CDH8: variants seen among roughly 807,000 people sequenced by gnomAD.
The protein encoded by CDH8 is cadherin-8.
In CDH8, 17 loss-of-function variants were observed where a neutral mutation model predicts 68.1. The ratio of observed to expected loss-of-function variants is 0.25; its 90% CI spans 0.17 to 0.37. CDH8 has a LOEUF of 0.37. CDH8 is among the 10% of genes least tolerant of loss of function. The pLI is 1.00. For missense variants in CDH8, 763 were observed against 999.3 expected (o/e 0.76, Z 3.19); for synonymous variants, 372 against 365.1 (o/e 1.02, Z -0.21).
At chr16:61,729,535 A>G (rs1054068785) in intron 8 of CDH8, among the ~76,000 whole-genome samples, 1 of 151,044 alleles carries the variant, frequency 6.6e-6, no homozygotes, top group Non-Finnish European at 1.5e-5. Flanking sequence ...TTATGGTCCT[A>G]TTTCACCCAA....
At position 61,812,550 on chromosome 16, in the gene CDH8, T is replaced by G. The variant is rs11642026; in HGVS notation, c.1277+4929A>C. Among the ~76,000 whole-genome samples, 342 of 152,098 alleles carry G rather than the reference T, an allele frequency of 2.2e-3. 2 individuals carry two copies. Among genetic ancestry groups the G allele is most frequent in the African/African-American group, 8.0e-3 (331 of 41,476 alleles). On this transcript the variant is annotated intron_variant, in intron 7 of 11. Transcript: ENST00000577390. ...ATCACATACCATCTCAAAGCCATGG[T>G]GACACCCAATACACAATTGAAATAA...
chr16:61,706,809 T>C (rs576071915), intron 10 of CDH8, among the ~76,000 whole-genome samples: 4 of 152,258 alleles, frequency 2.6e-5, no homozygotes, highest in Admixed American at 2.6e-4. Flanking sequence ...TACAAGACTT[T>C]CATAAGCTAT....
intron 2 of CDH8, among the ~76,000 whole-genome samples, chr16:61,991,658 G>A (rs1043539933): frequency 3.9e-5 from 6 of 152,160 alleles, no homozygotes; most frequent in Non-Finnish European, 5.9e-5. Context: ...TGCTCAAGCC[G>A]GTGTGCCCAC....
rs1004688423 is a variant in CDH8, at chr16:61,649,002, A to C, written c.*4606T>G. The C allele has an allele frequency of 6.6e-6, 1 of 152,046 alleles. No homozygotes were observed. Among genetic ancestry groups the C allele is most frequent in the Non-Finnish European group, 1.5e-5 (1 of 67,956 alleles). 9.4% of individuals were successfully genotyped at this position (152,046 alleles called of 1,614,324 possible). On this transcript the variant is annotated 3_prime_UTR_variant, in exon 12 of 12. Transcript: ENST00000577390. ...AATTATCATAAGAAGCAATAATTACAAGGGCAAATAATACATTCAACACTG... is the reference window on the plus strand; with the variant it reads ...AATTATCATAAGAAGCAATAATTACCAGGGCAAATAATACATTCAACACTG...
At chr16:61,815,356 G>A (rs1376271081) in intron 7 of CDH8, among the ~76,000 whole-genome samples, 2 of 152,120 alleles carry the variant, frequency 1.3e-5, no homozygotes, top group Non-Finnish European at 2.9e-5. Flanking sequence ...CCTGTGAACT[G>A]GAATTAGTAT....
intron 9 of CDH8, among the ~76,000 whole-genome samples, chr16:61,714,649 A>T (rs1327863984): frequency 6.6e-6 from 1 of 151,562 alleles, no homozygotes; most frequent in Non-Finnish European, 1.5e-5. Context: ...TTCATTTGTA[A>T]AGCTGCATTA....
At chr16:61,662,384 TA>T (rs1486679627) in intron 10 of CDH8, among the ~76,000 whole-genome samples, 1 of 151,734 alleles carries the variant, frequency 6.6e-6, no homozygotes, top group Non-Finnish European at 1.5e-5. Flanking sequence ...TGTGTCCTAA[TA>T]ATGAGATGTT....
At chr16:61,944,665 G>A (rs944848125) in intron 2 of CDH8, among the ~76,000 whole-genome samples, 2 of 152,082 alleles carry the variant, frequency 1.3e-5, no homozygotes, top group African/African-American at 4.8e-5. Flanking sequence ...GAGCAGGCGG[G>A]GTGTGGTGGC....
rs571197036 is a variant in CDH8, at chr16:61,895,297, T to A, written c.547+5882A>T. ...ATCAAAGATCAGTAGAGCATACTGG[T>A]TAAGCCCATGGGAGGTAGAACCAGG... On this transcript the variant is annotated intron_variant, in intron 3 of 11. Transcript: ENST00000577390. Among the ~76,000 whole-genome samples, 8 of 152,244 alleles carry A rather than the reference T, an allele frequency of 5.3e-5. No individual in the cohort carries two copies. The South Asian group carries it at 1.7e-3, about 32-fold the overall frequency.
At chr16:61,763,578 T>G (rs1386700979) in intron 8 of CDH8, among the ~76,000 whole-genome samples, 1 of 152,160 alleles carries the variant, frequency 6.6e-6, no homozygotes, top group Non-Finnish European at 1.5e-5. Flanking sequence ...TTCTTCATAT[T>G]TATCTTCCAA....
chr16:61,774,109 G>C (rs1960848386), intron 8 of CDH8, among the ~76,000 whole-genome samples: 1 of 151,958 alleles, frequency 6.6e-6, no homozygotes, highest in African/African-American at 2.4e-5. Flanking sequence ...CATTCTTTTG[G>C]CTTTGCTGCT....
In CDH8 at chr16:61,712,265, A is replaced by G. The variant is rs539525663; in HGVS notation, c.1654+1576T>C. On this transcript the variant is annotated intron_variant, in intron 10 of 11. Coordinates refer to ENST00000577390, the MANE Select transcript of CDH8 (RefSeq NM_001796.5). ...TATTAAGGCATAATAAATACGTGTC[A>G]AAATTAGACTTTCCTTGGTACCCAA... Among the ~76,000 whole-genome samples, 180 of 151,822 alleles carry G rather than the reference A, an allele frequency of 1.2e-3. 2 individuals carry two copies. Among genetic ancestry groups the G allele is most frequent in the Non-Finnish European group, 1.8e-3 (122 of 67,710 alleles).
chr16:61,781,845 C>A (rs1165756292), intron 8 of CDH8, among the ~76,000 whole-genome samples: 1 of 152,048 alleles, frequency 6.6e-6, no homozygotes, highest in African/African-American at 2.4e-5. Context: ...TCTAACAAAC[C>A]AAAATCACCA....
chr16:61,822,499 AG>A (rs1962240577), intron 5 of CDH8, among the ~76,000 whole-genome samples: 1 of 151,734 alleles, frequency 6.6e-6, no homozygotes, highest in South Asian at 2.1e-4. Context: ...AAATCCACTG[AG>A]TCCCTTGGAT....
intron 3 of CDH8, among the ~76,000 whole-genome samples, chr16:61,896,655 G>C (rs1391184509): frequency 2.6e-5 from 4 of 152,194 alleles, no homozygotes; most frequent in Non-Finnish European, 5.9e-5. Context: ...AAATAATGCA[G>C]CCGCCTCTGC....
intron 4 of CDH8, among the ~76,000 whole-genome samples, chr16:61,847,538 T>TTATATATATATA (rs56946081): frequency 8.7e-4 from 119 of 136,718 alleles, no homozygotes; most frequent in Admixed American, 1.4e-3. Flanking sequence ...TCCAATCATT[T>TTATATATATATA]TATATATATA....
At chr16:61,788,856 A>G (rs1433529721) in intron 8 of CDH8, among the ~76,000 whole-genome samples, 1 of 152,048 alleles carries the variant, frequency 6.6e-6, no homozygotes, top group Non-Finnish European at 1.5e-5. Flanking sequence ...AGACTCTAAA[A>G]AAAACAAAAA....
At chr16:61,708,065 A>G (rs1964565978) in intron 10 of CDH8, among the ~76,000 whole-genome samples, 1 of 152,168 alleles carries the variant, frequency 6.6e-6, no homozygotes, top group Non-Finnish European at 1.5e-5. Context: ...AAGTACTCAA[A>G]GGAAAGATTC....
At chr16:61,873,568 G>A (rs75316145) in intron 3 of CDH8, among the ~76,000 whole-genome samples, 22 of 152,296 alleles carry the variant, frequency 1.4e-4, no homozygotes, top group African/African-American at 4.6e-4. Context: ...GACTTATGAC[G>A]GGTCAACTTA....
Sources: allele counts gnomAD v4.1 joint callset (sites outside exome capture counted in the v4.1 genomes callset), GRCh38; gene constraint gnomAD v4.1.1; transcripts MANE v1.5; gene names NCBI Gene and HGNC (gene_info 2026-07-23, HGNC 2026-07-21).